The following CERKL variants were observed in gnomAD, a reference collection of about 807,000 sequenced individuals.
The protein encoded by CERKL is ceramide kinase-like protein.
A neutral mutation model predicts 63.4 loss-of-function variants in CERKL; 61 were observed. That is an observed-to-expected ratio of 0.96 (90% CI 0.78 to 1.19). The LOEUF (loss-of-function observed/expected upper bound fraction) is 1.19. CERKL is among the 50% of genes most tolerant of loss of function. The pLI is 0.00. For missense variants in CERKL, 675 were observed against 655.5 expected, an observed-to-expected ratio of 1.03 and a Z score of -0.33; for synonymous variants, 250 against 230.5, an observed-to-expected ratio of 1.08 and a Z score of -0.77.
At chr2:181,555,946 T>C (rs1688184682) in intron 5 of CERKL, among the ~76,000 whole-genome samples, 1 of 151,914 alleles carries the variant, frequency 6.6e-6, no homozygotes, top group Non-Finnish European at 1.5e-5. Context: ...AGAGATAGGG[T>C]TTCACCATGT....
At chr2:181,624,291 G>A (rs1237570919) in intron 1 of CERKL, among the ~76,000 whole-genome samples, 3 of 152,074 alleles carry the variant, frequency 2.0e-5, no homozygotes, top group Non-Finnish European at 4.4e-5. Context: ...ACTTTGGGAG[G>A]CTGGCACAGA....
At chr2:181,577,396 A>T (rs1236128137) in intron 2 of CERKL, among the ~76,000 whole-genome samples, 2 of 152,132 alleles carry the variant, frequency 1.3e-5, no homozygotes, top group Non-Finnish European at 2.9e-5. Context: ...ATGGTCTCAA[A>T]ATTTAAGTGA....
At chr2:181,635,252 T>C (rs1394937997) in intron 1 of CERKL, among the ~76,000 whole-genome samples, 3 of 152,108 alleles carry the variant, frequency 2.0e-5, no homozygotes, top group African/African-American at 7.2e-5. Context: ...ACCTGTAAAA[T>C]GACAGGTGTG....
At chr2:181,561,944 G>C (rs1252236399) in intron 4 of CERKL, among the ~76,000 whole-genome samples, 1 of 152,104 alleles carries the variant, frequency 6.6e-6, no homozygotes, top group Non-Finnish European at 1.5e-5. Flanking sequence ...CTCCCAAGTA[G>C]CTGAGACTAC....
chr2:181,577,293 G>C (rs1280627195), intron 2 of CERKL, among the ~76,000 whole-genome samples: 1 of 152,190 alleles, frequency 6.6e-6, no homozygotes, highest in African/African-American at 2.4e-5. Context: ...TGACTCAGTA[G>C]TCTGCACAGG....
chr2:181,606,893 G>C (rs974976564), intron 1 of CERKL, among the ~76,000 whole-genome samples: 5 of 152,006 alleles, frequency 3.3e-5, no homozygotes, highest in South Asian at 2.1e-4. Context: ...GTCCTGTCCC[G>C]GTCAGTAAAT....
intron 1 of CERKL, among the ~76,000 whole-genome samples, chr2:181,623,044 A>C (rs534264844): frequency 2.6e-5 from 4 of 152,342 alleles, no homozygotes; most frequent in African/African-American, 9.6e-5. Context: ...AAGTTCCTCT[A>C]TGTAAGGAAA....
At chr2:181,633,234 C>G (rs1247232977) in intron 1 of CERKL, among the ~76,000 whole-genome samples, 1 of 152,128 alleles carries the variant, frequency 6.6e-6, no homozygotes, top group Non-Finnish European at 1.5e-5. Flanking sequence ...CAAGTGGGGA[C>G]AGAAGGTTGT....
At chr2:181,544,610 A>G (rs879189421) in intron 11 of CERKL, 90 bp downstream of exon 11, 3 of 730,580 alleles carry the variant, frequency 4.1e-6, no homozygotes, top group South Asian at 3.4e-5. Context: ...AAACCTTCTT[A>G]TGAGGCAGGA....
intron 1 of CERKL, among the ~76,000 whole-genome samples, chr2:181,621,183 G>A (rs1686431698): frequency 6.6e-6 from 1 of 152,022 alleles, no homozygotes; most frequent in African/African-American, 2.4e-5. Context: ...AAAATTACAA[G>A]GAAATTACTT....
intron 4 of CERKL, among the ~76,000 whole-genome samples, chr2:181,561,790 T>C (rs1430767950): frequency 6.6e-6 from 1 of 151,144 alleles, no homozygotes; most frequent in Non-Finnish European, 1.5e-5. Context: ...ACTTCATTTA[T>C]CTTTATTTTT....
rs1435752881 is a variant in CERKL, at chr2:181,648,883, T to TTA, written c.238+7884_238+7885dup. On this transcript the variant is annotated intron_variant, in intron 1 of 12. Coordinates refer to ENST00000410087, the MANE Select transcript of CERKL (RefSeq NM_201548.5). ...TATTATAACTACAAGACTTTTTATG[T>TTA]TAGCCCCATGGTACCCACAAAGAAA... 2.0e-5 allele frequency among the ~76,000 whole-genome samples: 3 copies of TTA among 152,310 alleles called. No homozygotes were observed. The East Asian group carries it at 5.8e-4, about 29-fold the overall frequency.
At chr2:181,568,719 TACATGTGC>T (rs1449119214) in intron 3 of CERKL, among the ~76,000 whole-genome samples, 16 of 151,166 alleles carry the variant, frequency 1.1e-4, no homozygotes, top group African/African-American at 3.9e-4. Flanking sequence ...AGTTTTAGGG[TACATGTGC>T]ACATTGTGCA....
chr2:181,553,936 T>C lies in CERKL; in HGVS notation c.821-4228A>G, dbSNP rs113999045. Among the ~76,000 whole-genome samples the C allele has an allele frequency of 9.6e-3, 1,461 of 152,272 alleles. 25 individuals carry two copies. The highest frequency in any genetic ancestry group is 0.033 in the African/African-American group (1,375 of 41,552). On this transcript the variant is annotated intron_variant, in intron 5 of 12. Coordinates refer to ENST00000410087, the MANE Select transcript of CERKL (RefSeq NM_201548.5). ...ATGCCAAAAGAACATGCTGCTCACATAAATAACAATGGCGTAATTTTAATG... is the reference window on the plus strand; with the variant it reads ...ATGCCAAAAGAACATGCTGCTCACACAAATAACAATGGCGTAATTTTAATG...
chr2:181,591,184 G>A (rs993649), intron 2 of CERKL, among the ~76,000 whole-genome samples: 30,657 of 151,832 alleles, frequency 0.2, 5,305 homozygotes, highest in African/African-American at 0.47. Flanking sequence ...GTGTAAAAAA[G>A]TATAAAAATT....
At chr2:181,621,716 C>A (rs1440717986) in intron 1 of CERKL, among the ~76,000 whole-genome samples, 1 of 152,090 alleles carries the variant, frequency 6.6e-6, no homozygotes, top group East Asian at 1.9e-4. Context: ...AAAACATAAA[C>A]ATTCTAGATC....
At chr2:181,645,332 C>A (rs542186481) in intron 1 of CERKL, among the ~76,000 whole-genome samples, 6 of 152,168 alleles carry the variant, frequency 3.9e-5, no homozygotes, top group East Asian at 1.9e-4. Context: ...GTAACAAATT[C>A]ATTCATTCAA....
intron 1 of CERKL, among the ~76,000 whole-genome samples, chr2:181,624,512 G>A (rs372794962): frequency 4.6e-5 from 7 of 152,274 alleles, no homozygotes; most frequent in African/African-American, 1.4e-4. Context: ...CAGCCAAGGC[G>A]AAAGTAAGAC....
intron 1 of CERKL, among the ~76,000 whole-genome samples, chr2:181,647,667 T>C (rs1382386983): frequency 6.6e-6 from 1 of 152,142 alleles, no homozygotes; most frequent in Non-Finnish European, 1.5e-5. Context: ...AATGTGACTA[T>C]TCCACTAGAT....
Sources: allele counts gnomAD v4.1 joint callset (sites outside exome capture counted in the v4.1 genomes callset), GRCh38; gene constraint gnomAD v4.1.1; transcripts MANE v1.5; gene names NCBI Gene and HGNC (gene_info 2026-07-23, HGNC 2026-07-21).